The following LRRTM4 variants were observed in gnomAD, a reference collection of about 807,000 sequenced individuals.
LRRTM4 encodes leucine rich repeat transmembrane neuronal 4.
A neutral mutation model predicts 47.6 loss-of-function variants in LRRTM4; 25 were observed. That is an observed-to-expected ratio of 0.53 (90% CI 0.38 to 0.73). The LOEUF is 0.73. Among genes scored for constraint, LRRTM4 ranks in the 30% least tolerant of loss-of-function variants. The pLI is 0.00. For missense variants in LRRTM4, 638 were observed against 713.4 expected, an observed-to-expected ratio of 0.89 and a Z score of 1.20; for synonymous variants, 311 against 269.5, an observed-to-expected ratio of 1.15 and a Z score of -1.51.
intron 3 of LRRTM4, among the ~76,000 whole-genome samples, chr2:77,160,560 G>T (rs1212608361): frequency 1.3e-5 from 2 of 151,962 alleles, no homozygotes; most frequent in Non-Finnish European, 2.9e-5. Context: ...TCACTTCAGG[G>T]ACAAAGCATG....
At chr2:76,828,420 G>T (rs1440652940) in intron 3 of LRRTM4, among the ~76,000 whole-genome samples, 2 of 151,950 alleles carry the variant, frequency 1.3e-5, no homozygotes, top group Non-Finnish European at 2.9e-5. Flanking sequence ...AAGAGACTCA[G>T]TGCTAATTCT....
Position 76,804,252 on chromosome 2 carries a change from A to G in LRRTM4, c.1552-55336T>C, listed in dbSNP as rs147351055. ...GATATTATGTAGAAACAGGCATTCT[A>G]TTGTATTCTGAGATTTTTTAATTTG... On this transcript the variant is annotated intron_variant, in intron 3 of 3. Transcript: ENST00000409884. Among the ~76,000 whole-genome samples, 367 of 152,278 alleles carry G rather than the reference A, an allele frequency of 2.4e-3. 6 individuals carry two copies. Among genetic ancestry groups the G allele is most frequent in the African/African-American group, 8.4e-3 (351 of 41,564 alleles).
chr2:76,792,998 T>A (rs897272003), intron 3 of LRRTM4, among the ~76,000 whole-genome samples: 1 of 152,202 alleles, frequency 6.6e-6, no homozygotes, highest in Non-Finnish European at 1.5e-5. Context: ...AAGTCTTCAC[T>A]GATTCTTTTC....
At chr2:77,364,038 C>T (rs1330498333) in intron 3 of LRRTM4, among the ~76,000 whole-genome samples, 1 of 151,880 alleles carries the variant, frequency 6.6e-6, no homozygotes, top group East Asian at 1.9e-4. Context: ...TCTCAACACA[C>T]CTAAATTTGA....
intron 3 of LRRTM4, among the ~76,000 whole-genome samples, chr2:77,337,070 C>T (rs185958669): frequency 3.3e-5 from 5 of 152,172 alleles, no homozygotes; most frequent in Admixed American, 3.3e-4. Flanking sequence ...TTTCCATACA[C>T]CAATAACATT....
At chr2:77,259,659 G>C (rs1449955423) in intron 3 of LRRTM4, among the ~76,000 whole-genome samples, 1 of 152,002 alleles carries the variant, frequency 6.6e-6, no homozygotes, top group African/African-American at 2.4e-5. Context: ...CCTTTCCAAA[G>C]TGACTGTTCC....
intron 3 of LRRTM4, among the ~76,000 whole-genome samples, chr2:76,844,962 A>C (rs1014392770): frequency 2.2e-4 from 34 of 152,318 alleles, no homozygotes; most frequent in African/African-American, 7.7e-4. Context: ...TAGGGCCTGT[A>C]CAAGTATGGC....
At chr2:77,221,532 CA>C (rs1476611788) in intron 3 of LRRTM4, among the ~76,000 whole-genome samples, 32 of 151,658 alleles carry the variant, frequency 2.1e-4, no homozygotes, top group Middle Eastern at 3.4e-3. Context: ...AAATGGAAAA[CA>C]AAAAAAGGCA....
intron 3 of LRRTM4, among the ~76,000 whole-genome samples, chr2:76,862,820 T>C (rs1189379295): frequency 6.6e-6 from 1 of 152,192 alleles, no homozygotes; most frequent in Admixed American, 6.5e-5. Context: ...GAACTGGAGC[T>C]AAAAGAGAAA....
chr2:77,019,930 C>T (rs570123547), intron 3 of LRRTM4, among the ~76,000 whole-genome samples: 2 of 151,550 alleles, frequency 1.3e-5, no homozygotes, highest in South Asian at 2.1e-4. Flanking sequence ...AGTGGAGGCT[C>T]GAAAGGAAGC....
chr2:76,841,664 GAAA>G, intron 3 of LRRTM4, among the ~76,000 whole-genome samples: 1 of 65,612 alleles, frequency 1.5e-5, no homozygotes, highest in African/African-American at 4.8e-5. Context: ...GTAACCTGGA[GAAA>G]AAAAAAAAAA....
At chr2:77,220,400 A>T (rs2103945814) in intron 3 of LRRTM4, among the ~76,000 whole-genome samples, 1 of 152,300 alleles carries the variant, frequency 6.6e-6, no homozygotes, top group South Asian at 2.1e-4. Flanking sequence ...CGAAGATCAA[A>T]CTACTCCGAG....
At chr2:76,865,460 A>C (rs1672438022) in intron 3 of LRRTM4, among the ~76,000 whole-genome samples, 1 of 152,204 alleles carries the variant, frequency 6.6e-6, no homozygotes, top group Non-Finnish European at 1.5e-5. Flanking sequence ...CTATCCAAAG[A>C]AACAATTTAC....
chr2:77,106,449 TAA>T lies in LRRTM4; in HGVS notation c.1552-357535_1552-357534del, dbSNP rs1671094339. Reference sequence around the variant, plus strand: ...GTCATAAATTTTACCTTCTCTGCTGTAAGCATTACCTCTGCACTTACTTTTTA... The same window carrying T: ...GTCATAAATTTTACCTTCTCTGCTGTGCATTACCTCTGCACTTACTTTTTA... On this transcript the variant is annotated intron_variant, in intron 3 of 3. Coordinates refer to ENST00000409884, the MANE Select transcript of LRRTM4 (RefSeq NM_001134745.3). Among the ~76,000 whole-genome samples, 3 of 152,284 alleles carry T rather than the reference TAA, an allele frequency of 2.0e-5. No individual in the cohort carries two copies. The South Asian group carries it at 6.2e-4, about 32-fold the overall frequency.
At chr2:76,898,092 G>GA (rs1673484777) in intron 3 of LRRTM4, among the ~76,000 whole-genome samples, 1 of 151,980 alleles carries the variant, frequency 6.6e-6, no homozygotes, top group Non-Finnish European at 1.5e-5. Flanking sequence ...GCACAAGTGA[G>GA]TGGTAAGCCA....
intron 3 of LRRTM4, among the ~76,000 whole-genome samples, chr2:76,818,122 C>G (rs560116292): frequency 6.6e-6 from 1 of 151,846 alleles, no homozygotes; most frequent in Non-Finnish European, 1.5e-5. Flanking sequence ...GTGAATTAGT[C>G]GTTGTAATAT....
intron 3 of LRRTM4, among the ~76,000 whole-genome samples, chr2:77,252,214 G>A (rs751165798): frequency 5.3e-5 from 8 of 152,120 alleles, no homozygotes; most frequent in Non-Finnish European, 5.9e-5. Flanking sequence ...TGTAAGGGGT[G>A]TAAATCTTGA....
chr2:77,251,784 T>C (rs931366365), intron 3 of LRRTM4, among the ~76,000 whole-genome samples: 16 of 152,066 alleles, frequency 1.1e-4, no homozygotes, highest in Non-Finnish European at 1.9e-4. Flanking sequence ...CTGCATGGGG[T>C]TCTAGTCTTC....
chr2:76,904,827 A>G (rs992313), intron 3 of LRRTM4, among the ~76,000 whole-genome samples: 88,865 of 152,032 alleles, frequency 0.58, 28,072 homozygotes, highest in African/African-American at 0.82. Flanking sequence ...GTGTTATGGT[A>G]AAAATAACAT....
Sources: allele counts gnomAD v4.1 joint callset (sites outside exome capture counted in the v4.1 genomes callset), GRCh38; gene constraint gnomAD v4.1.1; transcripts MANE v1.5; gene names NCBI Gene and HGNC (gene_info 2026-07-23, HGNC 2026-07-21).